Variants in FAM178B observed in about 807,000 individuals in gnomAD.
FAM178B encodes the protein family with sequence similarity 178 member B.
FAM178B carries 82 observed loss-of-function variants against 91.7 expected under a neutral mutation model. The ratio of observed to expected loss-of-function variants is 0.89; its 90% CI spans 0.75 to 1.07. FAM178B has a LOEUF of 1.07. FAM178B is among the 50% of genes least tolerant of loss of function. The pLI, the probability that FAM178B is intolerant of heterozygous loss-of-function variation, is 0.00. For missense variants in FAM178B, 769 were observed against 846.7 expected, an observed-to-expected ratio of 0.91 and a Z score of 1.14; for synonymous variants, 368 against 359.4, an observed-to-expected ratio of 1.02 and a Z score of -0.27.
intron 1 of FAM178B, among the ~76,000 whole-genome samples, chr2:96,974,109 G>T (rs558478176): frequency 7.2e-5 from 11 of 151,962 alleles, no homozygotes; most frequent in African/African-American, 2.7e-4. Flanking sequence ...GGGGCTGGGC[G>T]CAGTGGCTCA....
intron 5 of FAM178B, among the ~76,000 whole-genome samples, chr2:96,966,246 G>A (rs1467339454): frequency 1.3e-5 from 2 of 151,910 alleles, no homozygotes; most frequent in East Asian, 1.9e-4. Context: ...TAGAAGACCT[G>A]CTCACAAGGC....
At chr2:96,889,976 TAA>T (rs11457991) in intron 14 of FAM178B, among the ~76,000 whole-genome samples, 1 of 141,400 alleles carries the variant, frequency 7.1e-6, no homozygotes, top group Non-Finnish European at 1.5e-5. Flanking sequence ...CCATCTTTAT[TAA>T]AAAAAAAAAA....
At chr2:96,902,827 G>C (rs1263488628) in intron 12 of FAM178B, 120 bp from the exon 13 acceptor site, 3 of 679,472 alleles carry the variant, frequency 4.4e-6, no homozygotes, top group Non-Finnish European at 8.2e-6. Flanking sequence ...GGGTACCCCA[G>C]CAAAGGGCTT....
chr2:96,957,898 C>T (rs574526198), intron 6 of FAM178B, among the ~76,000 whole-genome samples: 7 of 152,036 alleles, frequency 4.6e-5, no homozygotes, highest in African/African-American at 1.7e-4. Flanking sequence ...CAATATTCCC[C>T]GCCGTATTAT....
At chr2:96,953,794 G>A (rs1236881695) in intron 6 of FAM178B, among the ~76,000 whole-genome samples, 2 of 152,212 alleles carry the variant, frequency 1.3e-5, no homozygotes, top group Non-Finnish European at 2.9e-5. Context: ...TCAGCCACAA[G>A]CCCTTCCACG....
intron 14 of FAM178B, among the ~76,000 whole-genome samples, chr2:96,884,206 G>A (rs1259287660): frequency 1.3e-5 from 2 of 152,190 alleles, no homozygotes; most frequent in African/African-American, 2.4e-5. Context: ...GCTGCGGCAT[G>A]GGGAGGGTTC....
At chr2:96,964,630 G>A (rs2082121794) in intron 5 of FAM178B, among the ~76,000 whole-genome samples, 1 of 36,690 alleles carries the variant, frequency 2.7e-5, no homozygotes, top group Non-Finnish European at 6.7e-5. Flanking sequence ...CAGACGTGCT[G>A]TTACTCTATC....
intron 7 of FAM178B, among the ~76,000 whole-genome samples, chr2:96,948,306 G>A (rs1477708061): frequency 6.6e-6 from 1 of 152,250 alleles, no homozygotes; most frequent in African/African-American, 2.4e-5. Flanking sequence ...ACAGGCAGCA[G>A]GACAATCACA....
chr2:96,961,614 G>A (rs2082082662), intron 5 of FAM178B, among the ~76,000 whole-genome samples: 5 of 152,120 alleles, frequency 3.3e-5, no homozygotes, highest in Admixed American at 6.5e-5. Context: ...ATCAGGAGAC[G>A]GCCCATTCCC....
In FAM178B at chr2:96,894,065, G is replaced by A; in HGVS notation, c.1651-14C>T. The A allele has an allele frequency of 1.3e-6, 2 of 1,597,624 alleles. No homozygotes were observed. The highest frequency in any genetic ancestry group is 1.7e-6 in the Non-Finnish European group (2 of 1,173,438). On this transcript the variant is annotated splice_polypyrimidine_tract_variant and intron_variant, in intron 13 of 16. Transcript: ENST00000490605. ...GAGCGAGGACAGCTGGGGAGGAGAA[G>A]GGAGGCTGTCACTCACAGAGGGTGG...
intron 12 of FAM178B, among the ~76,000 whole-genome samples, chr2:96,905,794 A>C (rs1196170595): frequency 7.2e-6 from 1 of 139,616 alleles, no homozygotes; most frequent in Non-Finnish European, 1.5e-5. Context: ...AAATATATAT[A>C]CACAAAAATA....
At chr2:96,956,834 T>C (rs2082006093) in intron 6 of FAM178B, 1 of 152,230 alleles carries the variant, frequency 6.6e-6, no homozygotes, top group African/African-American at 2.4e-5. Context: ...CAACTTTGTG[T>C]ATGGAATTGG....
intron 8 of FAM178B, among the ~76,000 whole-genome samples, chr2:96,931,304 G>T (rs373697960): frequency 2.0e-5 from 3 of 152,328 alleles, no homozygotes; most frequent in Admixed American, 6.5e-5. Context: ...AAAAAGGCAA[G>T]CTAGAGGAGA....
At chr2:96,958,803 T>C (rs1028980312) in intron 6 of FAM178B, among the ~76,000 whole-genome samples, 3 of 146,186 alleles carry the variant, frequency 2.1e-5, no homozygotes, top group South Asian at 4.3e-4. Flanking sequence ...TCAGGTATGA[T>C]AGTAATATCG....
At chr2:96,891,450 G>C (rs1198141837) in intron 14 of FAM178B, among the ~76,000 whole-genome samples, 1 of 152,202 alleles carries the variant, frequency 6.6e-6, no homozygotes, top group African/African-American at 2.4e-5. Context: ...GCAGGAGAGC[G>C]AACAGCGAAT....
chr2:96,878,301 C>A, intron 15 of FAM178B, 115 bp downstream of exon 15: 1 of 1,025,820 alleles, frequency 9.7e-7, no homozygotes, highest in East Asian at 2.6e-5. Flanking sequence ...CTCAGCCTCC[C>A]ACTCTCTGCA....
In FAM178B at chr2:96,877,878, A is replaced by C; in HGVS notation, c.2007+12T>G. 1.9e-6 allele frequency: 3 copies of C among 1,611,590 alleles called. No individual in the cohort carries two copies. Among genetic ancestry groups the C allele is most frequent in the Non-Finnish European group, 2.5e-6 (3 of 1,179,762 alleles). Reference sequence around the variant, plus strand: ...CGCCCCTCCCAGGTCTGGGGGCTAGAGGGGGCACCACCTGGGGCTGGCAGT... The same window carrying C: ...CGCCCCTCCCAGGTCTGGGGGCTAGCGGGGGCACCACCTGGGGCTGGCAGT... On this transcript the variant is annotated intron_variant, in intron 16 of 16. Coordinates refer to ENST00000490605, the MANE Select transcript of FAM178B (RefSeq NM_001122646.3).
chr2:96,936,420 C>G (rs773571257), intron 8 of FAM178B, among the ~76,000 whole-genome samples: 54 of 151,786 alleles, frequency 3.6e-4, no homozygotes, highest in Non-Finnish European at 6.6e-4. Flanking sequence ...CCAGGATGGT[C>G]TCGATCTCCC....
chr2:96,884,882 G>A (rs2080478397), intron 14 of FAM178B, among the ~76,000 whole-genome samples: 1 of 152,216 alleles, frequency 6.6e-6, no homozygotes, highest in Admixed American at 6.5e-5. Flanking sequence ...AGGACAGGTC[G>A]CCGGTCATAA....
Sources: gnomAD v4.1 joint callset for allele counts (sites outside exome capture counted in the v4.1 genomes callset) on GRCh38, gnomAD v4.1.1 for gene constraint, MANE v1.5 for transcripts, NCBI Gene and HGNC (gene_info 2026-07-23, HGNC 2026-07-21) for gene names.